SORCS3: variants seen among roughly 807,000 people sequenced by gnomAD.
SORCS3 encodes the protein VPS10 domain-containing receptor SorCS3.
Under a neutral mutation model 146.3 loss-of-function variants are expected in SORCS3, and 57 were observed. The observed-to-expected ratio is 0.39, with a 90% confidence interval of 0.31 to 0.49. SORCS3 has a LOEUF of 0.49. Among genes scored for constraint, SORCS3 ranks in the 20% least tolerant of loss-of-function variants. SORCS3 has a pLI of 0.92. For synonymous variants in SORCS3, 653 were observed against 618.5 expected (o/e 1.06, Z -0.83); for missense variants, 1,341 against 1,575.5 (o/e 0.85, Z 2.52).
rs777898225 is a variant in SORCS3, at chr10:105,167,308, C to T, written c.1860C>T (p.Leu620=). The part of the protein sequence containing the change: ...NVWFLDWGGA[L]VAMKHTPLPV... ...GGTTCCTAGACTGGGGTGGTGCCCT[C>T]GTGGCCATGAAACACACACCTCTGC... Residue 620 remains leucine (L), a synonymous_variant, in exon 13 of 27, where the codon CTC becomes CTT. Transcript: ENST00000369701. 12 of 1,613,226 alleles carry T rather than the reference C, an allele frequency of 7.4e-6. No individual in the cohort carries two copies. Among genetic ancestry groups the T allele is most frequent in the South Asian group, 3.3e-5 (3 of 91,036 alleles).
chr10:105,098,390 A>G (rs2055760944), intron 6 of SORCS3, among the ~76,000 whole-genome samples: 1 of 152,222 alleles, frequency 6.6e-6, no homozygotes, highest in Non-Finnish European at 1.5e-5. Context: ...TTACATTCCA[A>G]AAGGTATCAA....
intron 2 of SORCS3, among the ~76,000 whole-genome samples, chr10:104,907,462 T>A (rs2133594308): frequency 6.6e-6 from 1 of 152,302 alleles, no homozygotes; most frequent in East Asian, 1.9e-4. Flanking sequence ...AAACTGAAGA[T>A]CTGAATATTG....
chr10:104,777,158 G>C (rs2017319323), intron 1 of SORCS3, among the ~76,000 whole-genome samples: 1 of 152,106 alleles, frequency 6.6e-6, no homozygotes, highest in African/African-American at 2.4e-5. Context: ...GGGAGAGTTG[G>C]CTGGAAAATA....
intron 4 of SORCS3, among the ~76,000 whole-genome samples, chr10:105,001,657 C>A (rs945302782): frequency 1.3e-5 from 2 of 152,118 alleles, no homozygotes; most frequent in African/African-American, 4.8e-5. Flanking sequence ...GCCTATAGAA[C>A]CCCTTTAAGG....
At chr10:104,750,588 G>A (rs568790974) in intron 1 of SORCS3, among the ~76,000 whole-genome samples, 16 of 152,280 alleles carry the variant, frequency 1.1e-4, no homozygotes, top group African/African-American at 3.4e-4. Flanking sequence ...TGTACCCAGT[G>A]CACAAATAAT....
chr10:105,056,180 G>C (rs1320688726), intron 5 of SORCS3, among the ~76,000 whole-genome samples: 1 of 152,188 alleles, frequency 6.6e-6, no homozygotes, highest in Non-Finnish European at 1.5e-5. Context: ...CAAAGCTGAG[G>C]TCATATGTCT....
At chr10:104,877,976 A>G (rs1286810742) in intron 2 of SORCS3, among the ~76,000 whole-genome samples, 1 of 152,204 alleles carries the variant, frequency 6.6e-6, no homozygotes, top group Admixed American at 6.5e-5. Flanking sequence ...ATTTTCCAGA[A>G]GGGATTTCAG....
intron 18 of SORCS3, among the ~76,000 whole-genome samples, chr10:105,214,852 G>T (rs1330376405): frequency 6.6e-6 from 1 of 152,202 alleles, no homozygotes; most frequent in Non-Finnish European, 1.5e-5. Flanking sequence ...TCTGGAGCAT[G>T]CAGATCTGGA....
chr10:105,142,274 C>T (rs1056972113), intron 8 of SORCS3, among the ~76,000 whole-genome samples: 2 of 152,126 alleles, frequency 1.3e-5, no homozygotes, highest in Non-Finnish European at 2.9e-5. Context: ...GCCTTGTGCT[C>T]CTGGAAAAGA....
intron 16 of SORCS3, among the ~76,000 whole-genome samples, chr10:105,203,590 T>C: frequency 6.6e-6 from 1 of 152,158 alleles, no homozygotes; most frequent in Non-Finnish European, 1.5e-5. Flanking sequence ...CTGTAAAATA[T>C]TTTCTCATCA....
intron 25 of SORCS3, among the ~76,000 whole-genome samples, chr10:105,261,261 A>G (rs893808947): frequency 3.9e-5 from 6 of 152,224 alleles, no homozygotes; most frequent in Non-Finnish European, 7.3e-5. Flanking sequence ...AGTCAGGGGA[A>G]GCCTCTCAGA....
chr10:104,851,896 A>G (rs950364093), intron 2 of SORCS3, among the ~76,000 whole-genome samples: 5 of 152,206 alleles, frequency 3.3e-5, no homozygotes, highest in African/African-American at 1.2e-4. Context: ...CCACTGCCCT[A>G]GACATTATTT....
chr10:105,245,645 CAA>C lies in SORCS3; in HGVS notation c.2975_2976del (p.Lys992ArgfsTer6). The C allele has an allele frequency of 1.2e-6, 2 of 1,614,092 alleles. No individual in the cohort carries two copies. Among genetic ancestry groups the C allele is most frequent in the Non-Finnish European group, 1.7e-6 (2 of 1,180,000 alleles). ...GCTGGGAATGCCCTCATCCAGGACA[CAA>C]AAGAGATTGCAGTTCATGGTAAGCC... is the stretch of plus-strand genomic sequence containing the variant. On this transcript the variant is annotated frameshift_variant, in exon 21 of 27. Transcript: ENST00000369701. LOFTEE classifies it high-confidence loss of function.
intron 3 of SORCS3, among the ~76,000 whole-genome samples, chr10:104,951,045 A>G (rs2019423893): frequency 6.6e-6 from 1 of 152,224 alleles, no homozygotes; most frequent in South Asian, 2.1e-4. Context: ...TTAGACATCT[A>G]TAGGAGGCAC....
At chr10:104,820,546 T>G (rs573738653) in intron 1 of SORCS3, among the ~76,000 whole-genome samples, 1 of 152,314 alleles carries the variant, frequency 6.6e-6, no homozygotes, top group South Asian at 2.1e-4. Context: ...GAACACCTAC[T>G]GTGGATTAGG....
intron 1 of SORCS3, among the ~76,000 whole-genome samples, chr10:104,833,529 C>T (rs1431056757): frequency 1.3e-5 from 2 of 152,122 alleles, no homozygotes; most frequent in African/African-American, 4.8e-5. Context: ...CCATCCTGTC[C>T]ATCTGATGCT....
intron 5 of SORCS3, among the ~76,000 whole-genome samples, chr10:105,045,301 T>C (rs1564741651): frequency 6.6e-6 from 1 of 152,158 alleles, no homozygotes; most frequent in Non-Finnish European, 1.5e-5. Flanking sequence ...AAAGAACGAG[T>C]CCCTAGGTCC....
intron 1 of SORCS3, among the ~76,000 whole-genome samples, chr10:104,741,209 A>C (rs1053277741): frequency 7.2e-6 from 1 of 138,974 alleles, no homozygotes; most frequent in African/African-American, 2.7e-5. Context: ...GGCCTTAATC[A>C]GTCCTCCTGC....
At chr10:105,061,223 A>T (rs2055483957) in intron 5 of SORCS3, among the ~76,000 whole-genome samples, 1 of 151,754 alleles carries the variant, frequency 6.6e-6, no homozygotes, top group Admixed American at 6.6e-5. Context: ...CACTGAAGAA[A>T]GTTCTCTGAG....
Sources: allele counts gnomAD v4.1 joint callset (sites outside exome capture counted in the v4.1 genomes callset), GRCh38; gene constraint gnomAD v4.1.1; transcripts MANE v1.5; gene names NCBI Gene and HGNC (gene_info 2026-07-23, HGNC 2026-07-21).